VAT1L: variants seen among roughly 807,000 people sequenced by gnomAD.
The protein encoded by VAT1L is vesicle amine transport 1 like.
VAT1L carries 34 observed loss-of-function variants against 44.1 expected under a neutral mutation model. The ratio of observed to expected loss-of-function variants is 0.77; its 90% CI spans 0.59 to 1.03. The LOEUF (loss-of-function observed/expected upper bound fraction) is 1.03. VAT1L is among the 50% of genes least tolerant of loss of function. The pLI, the probability that VAT1L is intolerant of heterozygous loss-of-function variation, is 0.00. For missense variants in VAT1L, 615 were observed against 538.8 expected, an observed-to-expected ratio of 1.14 and a Z score of -1.40; for synonymous variants, 253 against 202.2, an observed-to-expected ratio of 1.25 and a Z score of -2.13.
intron 5 of VAT1L, among the ~76,000 whole-genome samples, chr16:77,878,194 G>A (rs773967405): frequency 1.3e-5 from 2 of 152,172 alleles, no homozygotes; most frequent in Non-Finnish European, 2.9e-5. Context: ...AGAAGCAATG[G>A]TTCACTATTA....
At chr16:77,814,481 C>G (rs911633862) in intron 1 of VAT1L, among the ~76,000 whole-genome samples, 3 of 152,204 alleles carry the variant, frequency 2.0e-5, no homozygotes, top group Non-Finnish European at 4.4e-5. Context: ...TTTACCATCA[C>G]TGGGCCCAGT....
At chr16:77,945,729 T>G (rs2017953000) in intron 7 of VAT1L, among the ~76,000 whole-genome samples, 1 of 152,202 alleles carries the variant, frequency 6.6e-6, no homozygotes, top group Non-Finnish European at 1.5e-5. Flanking sequence ...GAGTTGTCTT[T>G]TCTTTCAGTA....
chr16:77,945,271 T>G (rs1461086550), intron 7 of VAT1L, among the ~76,000 whole-genome samples: 2 of 129,874 alleles, frequency 1.5e-5, no homozygotes, highest in Admixed American at 9.3e-5. Flanking sequence ...AATTCCAGAT[T>G]GCAGAACTTT....
intron 7 of VAT1L, among the ~76,000 whole-genome samples, chr16:77,955,635 G>A (rs182844523): frequency 6.6e-6 from 1 of 151,322 alleles, no homozygotes; most frequent in Non-Finnish European, 1.5e-5. Flanking sequence ...TGAAGTGGGA[G>A]AATCTCTTGA....
In VAT1L at chr16:77,977,689, C is replaced by G. The variant is rs762805674; in HGVS notation, c.1254C>G (p.Ile418Met). 16 of 1,613,736 alleles carry G rather than the reference C, an allele frequency of 9.9e-6. No individual in the cohort carries two copies. Among genetic ancestry groups the G allele is most frequent in the Non-Finnish European group, 1.4e-5 (16 of 1,179,844 alleles). ...DSENKERMPFIQ is the reference protein window; with the variant it reads ...DSENKERMPFMQ ...AGAACAAGGAGCGGATGCCCTTTAT[C>G]CAGTAACTGAGGACCCAGGTGGGAG... Residue 418 changes from isoleucine to methionine, a missense_variant, in exon 9 of 9, where the codon ATC becomes ATG. Transcript: ENST00000302536.
intron 1 of VAT1L, among the ~76,000 whole-genome samples, chr16:77,808,647 G>A (rs147178806): frequency 6.6e-6 from 1 of 152,210 alleles, no homozygotes; most frequent in African/African-American, 2.4e-5. Context: ...CCAGGCTGGA[G>A]TGCAATGGCG....
At chr16:77,908,372 G>T (rs183423581) in intron 7 of VAT1L, among the ~76,000 whole-genome samples, 1 of 142,642 alleles carries the variant, frequency 7.0e-6, no homozygotes, top group African/African-American at 2.6e-5. Flanking sequence ...TGAGGCAGGA[G>T]AATCTTGCTT....
intron 3 of VAT1L, among the ~76,000 whole-genome samples, chr16:77,855,019 G>C (rs1283501830): frequency 1.3e-5 from 2 of 152,150 alleles, no homozygotes; most frequent in African/African-American, 2.4e-5. Context: ...AGAGACCACA[G>C]AGATCATTAA....
At chr16:77,863,523 C>T (rs76447873) in intron 4 of VAT1L, among the ~76,000 whole-genome samples, 4,330 of 152,268 alleles carry the variant, frequency 0.028, 213 homozygotes, top group African/African-American at 0.099. Flanking sequence ...ATTTCAACTT[C>T]GGAGCCCGTG....
At chr16:77,888,103 C>T (rs1214978540) in intron 7 of VAT1L, among the ~76,000 whole-genome samples, 1 of 152,198 alleles carries the variant, frequency 6.6e-6, no homozygotes, top group Admixed American at 6.5e-5. Flanking sequence ...CTTCAGGTCT[C>T]AGCCTCAGTA....
In VAT1L at chr16:77,817,566, C is replaced by A. The variant is rs139553835; in HGVS notation, c.363+516C>A. 3.3e-5 allele frequency among the ~76,000 whole-genome samples: 5 copies of A among 152,198 alleles called. 1 individual carries two copies. The highest frequency in any genetic ancestry group is 1.2e-4 in the African/African-American group (5 of 41,524). On this transcript the variant is annotated intron_variant, in intron 2 of 8. Coordinates refer to ENST00000302536, the MANE Select transcript of VAT1L (RefSeq NM_020927.3). ...TTTTGGATGAAGAAGATGTTAAAGT[C>A]AAAGAGTGGAGGTACCTGATAAGTA...
At chr16:77,861,522 A>G (rs1329420197) in intron 3 of VAT1L, among the ~76,000 whole-genome samples, 1 of 152,264 alleles carries the variant, frequency 6.6e-6, no homozygotes, top group Non-Finnish European at 1.5e-5. Flanking sequence ...GGATATAATA[A>G]GCCCCTAAGG....
At chr16:77,825,859 A>T (rs1597053564) in intron 3 of VAT1L, among the ~76,000 whole-genome samples, 2 of 830 alleles carry the variant, frequency 2.4e-3, no homozygotes, top group African/African-American at 3.5e-3. Context: ...TACTAAAAAT[A>T]AAAAAAAAAA....
intron 4 of VAT1L, among the ~76,000 whole-genome samples, chr16:77,864,023 T>C (rs145186953): frequency 2.0e-5 from 3 of 152,298 alleles, no homozygotes; most frequent in East Asian, 3.9e-4. Context: ...GGGGGAATGA[T>C]GGTTTATAAC....
intron 4 of VAT1L, among the ~76,000 whole-genome samples, chr16:77,867,408 T>A (rs984607412): frequency 2.0e-5 from 3 of 152,202 alleles, no homozygotes; most frequent in Admixed American, 2.0e-4. Flanking sequence ...AACAACATTT[T>A]AAAACTTCAT....
Position 77,788,751 on chromosome 16 carries a change from G to A in VAT1L, c.69G>A (p.Glu23=). The A allele has an allele frequency of 6.4e-7, 1 of 1,562,006 alleles. No homozygotes were observed. Among genetic ancestry groups the A allele is most frequent in the Non-Finnish European group, 8.7e-7 (1 of 1,152,742 alleles). ...TGATCGAGAAGGAGGCAGGCAAGGA[G>A]CCGGCGGAGGGCGGCGGCGGCGACG... ...EQMIEKEAGK[E]PAEGGGGDGS... is the part of the protein sequence containing the mutation. Residue 23 remains glutamate, a synonymous_variant, in exon 1 of 9, where the codon GAG becomes GAA. Transcript: ENST00000302536.
At chr16:77,795,894 C>T (rs986434798) in intron 1 of VAT1L, among the ~76,000 whole-genome samples, 40 of 130,508 alleles carry the variant, frequency 3.1e-4, no homozygotes, top group Non-Finnish European at 4.3e-4. Flanking sequence ...GGCGCAATTT[C>T]GGCTCACTGC....
intron 6 of VAT1L, among the ~76,000 whole-genome samples, chr16:77,883,702 T>C (rs1011187715): frequency 5.3e-5 from 8 of 152,162 alleles, no homozygotes; most frequent in Admixed American, 2.0e-4. Context: ...TTCAGAACCA[T>C]TGATTCAGTC....
At chr16:77,839,846 T>C (rs2016686224) in intron 3 of VAT1L, among the ~76,000 whole-genome samples, 1 of 152,220 alleles carries the variant, frequency 6.6e-6, no homozygotes, top group African/African-American at 2.4e-5. Flanking sequence ...CTTTAGAACA[T>C]GCAAAGCACA....
Sources: allele counts gnomAD v4.1 joint callset (sites outside exome capture counted in the v4.1 genomes callset), GRCh38; gene constraint gnomAD v4.1.1; transcripts MANE v1.5; gene names NCBI Gene and HGNC (gene_info 2026-07-23, HGNC 2026-07-21).